Variants in LTBP3 observed in about 807,000 individuals in gnomAD.
The protein encoded by LTBP3 is latent transforming growth factor beta binding protein 3, also known as latent-transforming growth factor beta-binding protein 3.
Under a neutral mutation model 159.7 loss-of-function variants are expected in LTBP3, and 97 were observed. The observed-to-expected ratio is 0.61, with a 90% confidence interval of 0.52 to 0.72. The LOEUF is 0.72. Among genes scored for constraint, LTBP3 ranks in the 30% least tolerant of loss-of-function variants. LTBP3 has a pLI of 0.00. For missense variants in LTBP3, 1,584 were observed against 1,864.3 expected, an observed-to-expected ratio of 0.85 and a Z score of 2.77; for synonymous variants, 824 against 777.1, an observed-to-expected ratio of 1.06 and a Z score of -1.00.
chr11:65,550,773 G>A (rs1181929566), intron 11 of LTBP3, among the ~76,000 whole-genome samples: 1 of 152,048 alleles, frequency 6.6e-6, no homozygotes, highest in East Asian at 1.9e-4. Flanking sequence ...GCGGTGAGCC[G>A]AGATTGCGCC....
At position 65,546,486 on chromosome 11, in the gene LTBP3, C is replaced by T; in HGVS notation, c.2309G>A (p.Cys770Tyr). 3.1e-6 allele frequency: 5 copies of T among 1,595,264 alleles called. No individual in the cohort carries two copies. Among genetic ancestry groups the T allele is most frequent in the Non-Finnish European group, 1.7e-6 (2 of 1,177,708 alleles). ...GGGCGCGGGCGCGTAGCCCTGGGCACAGGTGCAGCGGAAGGAGCCCGGGAG... is the reference window on the plus strand; with the variant it reads ...GGGCGCGGGCGCGTAGCCCTGGGCATAGGTGCAGCGGAAGGAGCCCGGGAG... The part of the protein sequence containing the change: ...ENLPGSFRCT[C>Y]AQGYAPAPDG... The change falls in exon 16 of 28, where the codon TGT becomes TAT. Residue 770 changes from cysteine to tyrosine, a missense_variant. Physicochemically the swap from Cys to Tyr is radical, Grantham distance 194. Coordinates refer to ENST00000301873, the MANE Select transcript of LTBP3 (RefSeq NM_001130144.3). This position sits in a 1 kb window ranked among gnomAD's most constrained non-coding sequence, Gnocchi z 4.0.
rs1856636375 is a variant in LTBP3 at position 65,552,225 on chromosome 11, AT to A, written c.1345+22del. 1 of 1,614,028 alleles carries A rather than the reference AT, an allele frequency of 6.2e-7. No individual in the cohort carries two copies. On this transcript the variant is annotated intron_variant, in intron 7 of 27. Transcript: ENST00000301873. This position sits in a 1 kb window ranked among gnomAD's most constrained non-coding sequence, Gnocchi z 6.0. ...CAGGTGCATGGACCTATGAACCCCTATCCCCGGGTAACCCTGACTCACCGGT... is the reference window on the plus strand; with the variant it reads ...CAGGTGCATGGACCTATGAACCCCTACCCCGGGTAACCCTGACTCACCGGT...
At chr11:65,551,680 C>A (rs1309390447) in intron 8 of LTBP3, 116 bp from the exon 9 acceptor site, 5 of 1,334,572 alleles carry the variant, frequency 3.7e-6, no homozygotes, top group Non-Finnish European at 5.4e-6. Flanking sequence ...AATCATGTCT[C>A]CAGGTCAAGG....
chr11:65,551,194 A>G lies in LTBP3; in HGVS notation c.1652T>C (p.Met551Thr), dbSNP rs1590780914. 5 of 1,550,670 alleles carry G rather than the reference A, an allele frequency of 3.2e-6. No individual in the cohort carries two copies. The highest frequency in any genetic ancestry group is 2.4e-5 in the East Asian group (1 of 41,038). The change falls in exon 11 of 28, where the codon ATG becomes ACG. Residue 551 changes from methionine to threonine, a missense_variant. Coordinates refer to ENST00000301873, the MANE Select transcript of LTBP3 (RefSeq NM_001130144.3). ...AGGCAAGTCCGGCAGGAACCAGCGC[A>G]TGGTCGGGGGCGAGGGACGGGAGAT... The part of the protein sequence containing the change: ...ELISRPSPPT[M>T]RWFLPDLPPS...
chr11:65,547,776 A>T lies in LTBP3; in HGVS notation c.1892T>A (p.Ile631Asn). The change falls in exon 13 of 28, where the codon ATC (isoleucine) becomes AAC (asparagine). Residue 631 changes from isoleucine to asparagine, a missense_variant. Physicochemically the swap from Ile to Asn is moderately radical, Grantham distance 149. Around this residue, in one of 6 missense-constraint regions of LTBP3, gnomAD observed 565 missense variants for 677.7 expected, o/e 0.83. Coordinates refer to ENST00000301873, the MANE Select transcript of LTBP3 (RefSeq NM_001130144.3). The surrounding 1 kb of genome is among the most constrained non-coding windows in gnomAD (Gnocchi z 4.6). ...EAEPCGPGRGICMNTGGSYNC... is the reference protein window; with the variant it reads ...EAEPCGPGRGNCMNTGGSYNC... ...GTAGGAGCCGCCGGTGTTCATGCAG[A>T]TGCCCCTCCCCGGGCCACAGGGCTC... 1 of 1,612,586 alleles carries T rather than the reference A, an allele frequency of 6.2e-7. No individual in the cohort carries two copies. The highest frequency in any genetic ancestry group is 8.5e-7 in the Non-Finnish European group (1 of 1,179,630).
chr11:65,540,510 C>T lies in LTBP3; in HGVS notation c.3082G>A (p.Asp1028Asn), dbSNP rs145627363. 1.2e-6 allele frequency: 2 copies of T among 1,613,704 alleles called. No homozygotes were observed. Among genetic ancestry groups the T allele is most frequent in the African/African-American group, 2.7e-5 (2 of 74,940 alleles). Residue 1028 changes from aspartate to asparagine, a missense_variant, in exon 22 of 28, where the codon GAC becomes AAC. Physicochemically the swap from Asp to Asn is conservative, Grantham distance 23. This residue lies in a region of LTBP3 where 514 missense variants were observed against 530.3 expected (regional missense o/e 0.97). Coordinates refer to ENST00000301873, the MANE Select transcript of LTBP3 (RefSeq NM_001130144.3). ...ECYCKQGFYY[D>N]GNLLECVDVD... Reference sequence around the variant, plus strand: ...CCCACGCATTCCAGCAGGTTCCCGTCGTAGTAGAAGCCCTGCTTGCAGTAG... The same window carrying T: ...CCCACGCATTCCAGCAGGTTCCCGTTGTAGTAGAAGCCCTGCTTGCAGTAG...
At position 65,547,671 on chromosome 11, in the gene LTBP3, C is replaced by G. The variant is rs1417333888; in HGVS notation, c.1978+19G>C. ...GAGCCCGTCCCACCCAGGGCCGCCTCCGCCCTGGCGGCGCTCACCCACGCA... is the reference window on the plus strand; with the variant it reads ...GAGCCCGTCCCACCCAGGGCCGCCTGCGCCCTGGCGGCGCTCACCCACGCA... On this transcript the variant is annotated intron_variant, in intron 13 of 27. Coordinates refer to ENST00000301873, the MANE Select transcript of LTBP3 (RefSeq NM_001130144.3). The surrounding 1 kb of genome is among the most constrained non-coding windows in gnomAD (Gnocchi z 4.6). 1 of 1,605,680 alleles carries G rather than the reference C, an allele frequency of 6.2e-7. No individual in the cohort carries two copies.
At position 65,553,439 on chromosome 11, in the gene LTBP3, C is replaced by T; in HGVS notation, c.956G>A (p.Cys319Tyr). Residue 319 changes from cysteine (C) to tyrosine (Y), a missense_variant, in exon 4 of 28, where the codon TGT (cysteine) becomes TAT (tyrosine). Cys to Tyr is a radical substitution (Grantham distance 194). Coordinates refer to ENST00000301873, the MANE Select transcript of LTBP3 (RefSeq NM_001130144.3). This position sits in a 1 kb window ranked among gnomAD's most constrained non-coding sequence, Gnocchi z 6.5. ...TAWGQSKCHK[C>Y]PQLQYTGVQK... ...CAAGCACTCACACTGCAGCTGGGGA[C>T]ACTTGTGGCACTTGCTCTGGCCCCA... The T allele has an allele frequency of 6.2e-7, 1 of 1,612,244 alleles. No homozygotes were observed. Among genetic ancestry groups the T allele is most frequent in the Non-Finnish European group, 8.5e-7 (1 of 1,179,872 alleles).
rs755341379 is a variant in LTBP3, at chr11:65,554,166, C to G, written c.546G>C (p.Lys182Asn). The change falls in exon 2 of 28, where the codon AAG becomes AAC. Residue 182 changes from lysine (K) to asparagine (N), a missense_variant. Physicochemically the swap from Lys to Asn is moderately conservative, Grantham distance 94 (BLOSUM62 0). Coordinates refer to ENST00000301873, the MANE Select transcript of LTBP3 (RefSeq NM_001130144.3). The surrounding 1 kb of genome is among the most constrained non-coding windows in gnomAD (Gnocchi z 5.3). ...TCACCTGGACGGCGTAGATGGCGTG[C>G]TTGCTGGCCACAGAGTCGCCCTCCG... is the stretch of plus-strand genomic sequence containing the variant. ...LAPEGDSVAS[K>N]HAIYAVQVIA... 6.2e-7 allele frequency: 1 copy of G among 1,612,032 alleles called. No homozygotes were observed. The highest frequency in any genetic ancestry group is 2.2e-5 in the East Asian group (1 of 44,848).
Position 65,538,955 on chromosome 11 carries a change from C to T in LTBP3, c.*125G>A. Reference sequence around the variant, plus strand: ...AGGGGCGCCTCGGGTCTCAAGGCGCCGGGAGGGTCTGCGGGCCCTGAAGGT... The same window carrying T: ...AGGGGCGCCTCGGGTCTCAAGGCGCTGGGAGGGTCTGCGGGCCCTGAAGGT... On this transcript the variant is annotated 3_prime_UTR_variant, in exon 28 of 28. Transcript: ENST00000301873. 1 of 1,313,072 alleles carries T rather than the reference C, an allele frequency of 7.6e-7. No individual in the cohort carries two copies. The highest frequency in any genetic ancestry group is 2.0e-5 in the South Asian group (1 of 49,924). 81.3% of individuals were successfully genotyped at this position (1,313,072 alleles called of 1,614,324 possible).
chr11:65,543,538 A>T lies in LTBP3; in HGVS notation c.2365T>A (p.Cys789Ser). Residue 789 changes from cysteine to serine, a missense_variant, in exon 17 of 28, where the codon TGT (cysteine) becomes AGT (serine). By Grantham distance (112) the Cys-to-Ser change is moderately radical. This residue lies in a region of LTBP3 where 565 missense variants were observed against 677.7 expected (regional missense o/e 0.83). Transcript: ENST00000301873. ...TTGTCACACACGTCCCCAGCCTCAC[A>T]CTCGTCCACATCTGCAGGGCATAGG... ...DGRSCLDVDE[C>S]EAGDVCDNGI... The T allele has an allele frequency of 6.2e-7, 1 of 1,613,736 alleles. No individual in the cohort carries two copies. Among genetic ancestry groups the T allele is most frequent in the Non-Finnish European group, 8.5e-7 (1 of 1,179,884 alleles).
At position 65,547,607 on chromosome 11, in the gene LTBP3, C is replaced by T. The variant is rs766546656; in HGVS notation, c.1979-40G>A. The T allele has an allele frequency of 2.2e-5, 35 of 1,611,112 alleles. No individual in the cohort carries two copies. Among genetic ancestry groups the T allele is most frequent in the Non-Finnish European group, 1.9e-5 (22 of 1,178,626 alleles). ...GGGGCCACGAAGGGGGTGTAGGAGG[C>T]GGCGGGCAAGGGGAGGGATTACACG... On this transcript the variant is annotated intron_variant, in intron 13 of 27. Coordinates refer to ENST00000301873, the MANE Select transcript of LTBP3 (RefSeq NM_001130144.3). This position sits in a 1 kb window ranked among gnomAD's most constrained non-coding sequence, Gnocchi z 4.6.
At position 65,547,843 on chromosome 11, in the gene LTBP3, A is replaced by G. The variant is rs778441805; in HGVS notation, c.1847-22T>C. 5.6e-6 allele frequency: 9 copies of G among 1,613,330 alleles called. No homozygotes were observed. The highest frequency in any genetic ancestry group is 7.6e-6 in the Non-Finnish European group (9 of 1,179,932). ...ACATCTGAGAAGAACGGGTAGGCCA[A>G]GAAAAGTCAAAGGAAGCGTCGTTAT... is the stretch of plus-strand genomic sequence containing the variant. On this transcript the variant is annotated intron_variant, in intron 12 of 27. Transcript: ENST00000301873. This position sits in a 1 kb window ranked among gnomAD's most constrained non-coding sequence, Gnocchi z 4.6.
In LTBP3 at chr11:65,539,558, C is replaced by T; in HGVS notation, c.3618G>A (p.Lys1206=). 6.2e-7 allele frequency: 1 copy of T among 1,612,666 alleles called. No individual in the cohort carries two copies. The highest frequency in any genetic ancestry group is 8.5e-7 in the Non-Finnish European group (1 of 1,179,264). Residue 1206 remains lysine (K), a synonymous_variant, in exon 26 of 28, where the codon AAG becomes AAA. Transcript: ENST00000301873. ...FWDTSPLLLG[K]PPRDEDSSEE... is the part of the protein sequence containing the mutation. ...CCCGGCAGCACTCACCTCTTGGGGGCTTCCCCAACAGCAGGGGGCTTGTGT... is the reference window on the plus strand; with the variant it reads ...CCCGGCAGCACTCACCTCTTGGGGGTTTCCCCAACAGCAGGGGGCTTGTGT...
At position 65,539,321 on chromosome 11, in the gene LTBP3, G is replaced by A. The variant is rs1444589558; in HGVS notation, c.3760+7C>T. 28 of 925,752 alleles carry A rather than the reference G, an allele frequency of 3.0e-5. No homozygotes were observed. The highest frequency in any genetic ancestry group is 4.2e-5 in the Non-Finnish European group (27 of 650,134). 57.3% of individuals were successfully genotyped at this position (925,752 alleles called of 1,614,324 possible). ...GCCCCTGCCCCCACCCCCGAAGCCC[G>A]GCTCACCCACGCAGCGGGCGCGGGA... is the stretch of plus-strand genomic sequence containing the variant. On this transcript the variant is annotated splice_region_variant and intron_variant, in intron 27 of 27. Transcript: ENST00000301873.
At position 65,541,226 on chromosome 11, in the gene LTBP3, G is replaced by A; in HGVS notation, c.2793C>T (p.Ser931=). Residue 931 remains serine, a synonymous_variant, in exon 20 of 28, where the codon AGC becomes AGT. Transcript: ENST00000301873. ...GCTGGGTCACGTTGGTGGCCAATAC[G>A]CTGTCGCAGAACACTGTGTCATCGA... ...LNFDDTVFCD[S]VLATNVTQQE... The A allele has an allele frequency of 6.2e-7, 1 of 1,613,756 alleles. No individual in the cohort carries two copies. Among genetic ancestry groups the A allele is most frequent in the Non-Finnish European group, 8.5e-7 (1 of 1,180,016 alleles).
At chr11:65,543,661 T>G in intron 16 of LTBP3, 112 bp from the exon 17 acceptor site, 1 of 1,398,700 alleles carries the variant, frequency 7.1e-7, no homozygotes, top group Non-Finnish European at 1.0e-6. Flanking sequence ...CCAGCAGCAC[T>G]CAGAAGCACA....
Position 65,554,224 on chromosome 11 carries a change from G to T in LTBP3, c.488C>A (p.Ala163Asp). The T allele has an allele frequency of 6.2e-7, 1 of 1,609,690 alleles. No individual in the cohort carries two copies. Among genetic ancestry groups the T allele is most frequent in the Admixed American group, 1.7e-5 (1 of 59,892 alleles). The change falls in exon 2 of 28, where the codon GCC becomes GAC. Residue 163 changes from alanine to aspartate, a missense_variant. Transcript: ENST00000301873. This position sits in a 1 kb window ranked among gnomAD's most constrained non-coding sequence, Gnocchi z 5.3. The part of the protein sequence containing the change: ...GSGPGLSRTG[A>D]LSTGALPPLA... ...GGGCGGCAGCGCCCCTGTGGACAGG[G>T]CCCCTGTCCTGCTCAGGCCGGGGCC...
At position 65,546,858 on chromosome 11, in the gene LTBP3, T is replaced by C; in HGVS notation, c.2170A>G (p.Ser724Gly). The change falls in exon 15 of 28, where the codon AGC (serine) becomes GGC (glycine). Residue 724 changes from serine to glycine, a missense_variant. Ser to Gly is a moderately conservative substitution (Grantham distance 56). Coordinates refer to ENST00000301873, the MANE Select transcript of LTBP3 (RefSeq NM_001130144.3). This position sits in a 1 kb window ranked among gnomAD's most constrained non-coding sequence, Gnocchi z 4.0. ...GGCTGACAGGCGATGCACTTGAAGCTCCCGGGCTTGTTCTCGCATTTGCCA... is the reference window on the plus strand; with the variant it reads ...GGCTGACAGGCGATGCACTTGAAGCCCCCGGGCTTGTTCTCGCATTTGCCA... ...PDGKCENKPG[S>G]FKCIACQPGY... 6.2e-7 allele frequency: 1 copy of C among 1,611,842 alleles called. No homozygotes were observed. The highest frequency in any genetic ancestry group is 8.5e-7 in the Non-Finnish European group (1 of 1,179,906).
Sources: allele counts gnomAD v4.1 joint callset (sites outside exome capture counted in the v4.1 genomes callset), GRCh38; gene constraint gnomAD v4.1.1; regional missense constraint gnomAD v4.1.1; non-coding constraint Gnocchi (gnomAD v3.1); transcripts MANE v1.5; gene names NCBI Gene and HGNC (gene_info 2026-07-23, HGNC 2026-07-21).